ADCY4: variants seen among roughly 807,000 people sequenced by gnomAD.
The protein encoded by ADCY4 is adenylate cyclase 4.
ADCY4 carries 111 observed loss-of-function variants against 125.5 expected under a neutral mutation model. The ratio of observed to expected loss-of-function variants is 0.88; its 90% CI spans 0.76 to 1.04. ADCY4 has a LOEUF of 1.04. Among genes scored for constraint, ADCY4 ranks in the 50% least tolerant of loss-of-function variants. ADCY4 has a pLI of 0.00. For synonymous variants in ADCY4, 576 were observed against 586.9 expected (o/e 0.98, Z 0.27); for missense variants, 1,256 against 1,382.9 (o/e 0.91, Z 1.46).
At chr14:24,329,629 T>A in intron 8 of ADCY4, 96 bp from the exon 9 acceptor site, 1 of 1,466,274 alleles carries the variant, frequency 6.8e-7, no homozygotes, top group Non-Finnish European at 9.0e-7. Flanking sequence ...CTGACAAACA[T>A]CTCATGTCTT....
chr14:24,322,746 C>G lies in ADCY4; in HGVS notation c.2343-38G>C, dbSNP rs754512107. 10 of 1,603,972 alleles carry G rather than the reference C, an allele frequency of 6.2e-6. No homozygotes were observed. The African/African-American group carries it at 1.2e-4, about 19-fold the overall frequency. The stretch of plus-strand genomic sequence containing the variant: ...TGGATCAGGGTGACCCCTTGCTTTC[C>G]CCCTTCCTGGCCTTCTCCCTGCCCC... On this transcript the variant is annotated intron_variant, in intron 18 of 24. Transcript: ENST00000418030.
At position 24,325,724 on chromosome 14, in the gene ADCY4, C is replaced by T. The variant is rs192104443; in HGVS notation, c.1725+94G>A. The T allele has an allele frequency of 2.1e-5, 30 of 1,424,032 alleles. No homozygotes were observed. In the Admixed American group the frequency reaches 6.0e-4, roughly 29 times the overall value. The allele number at this position is 1,424,032 out of a possible 1,614,324, so 88.2% of individuals were successfully genotyped here. On this transcript the variant is annotated intron_variant, in intron 13 of 24. Transcript: ENST00000418030. The stretch of plus-strand genomic sequence containing the variant: ...CTCACCCCTAGGATCACAAACTGAG[C>T]AGACTTGGGGAGGAGACCCAAGGGC...
At chr14:24,325,230 C>A (rs1250294466) in intron 14 of ADCY4, 147 bp downstream of exon 14, 7 of 598,016 alleles carry the variant, frequency 1.2e-5, no homozygotes, top group Non-Finnish European at 2.0e-5. Context: ...CCGTGATTAT[C>A]ATTTTCCCCA....
chr14:24,332,412 C>A, intron 3 of ADCY4, 110 bp downstream of exon 3: 1 of 1,283,416 alleles, frequency 7.8e-7, no homozygotes, highest in Non-Finnish European at 1.1e-6. Flanking sequence ...GTATCCTGCG[C>A]CCAGCGTTGC....
rs764289231 is a variant in ADCY4, at chr14:24,334,576, T to A, written c.77A>T (p.Gln26Leu). The A allele has an allele frequency of 1.3e-6, 2 of 1,578,398 alleles. No homozygotes were observed. Among genetic ancestry groups the A allele is most frequent in the Non-Finnish European group, 1.7e-6 (2 of 1,165,008 alleles). Residue 26 changes from glutamine to leucine, a missense_variant, in exon 1 of 25, where the codon CAG becomes CTG. Physicochemically the swap from Gln to Leu is moderately radical, Grantham distance 113 (BLOSUM62 -2). Transcript: ENST00000418030. ...FYETYYSLSQ[Q>L]YPLLLLLLGI... is the part of the protein sequence containing the mutation. ...CAGCAGCAGCAGCAGCAGCGGGTAC[T>A]GCTGGCTCAGGCTGTAGTAGGTCTC...
intron 3 of ADCY4, 36 bp downstream of exon 3, chr14:24,332,486 C>A: frequency 1.9e-6 from 3 of 1,546,982 alleles, no homozygotes; most frequent in Non-Finnish European, 2.6e-6. Context: ...GTGGCAGAGC[C>A]GTCCTGAGCG....
At chr14:24,331,160 A>G in intron 5 of ADCY4, 31 bp from the exon 6 acceptor site, 1 of 1,613,098 alleles carries the variant, frequency 6.2e-7, no homozygotes, top group Non-Finnish European at 8.5e-7. Context: ...CAGCAGGGCC[A>G]GGGTCTTAGC....
intron 10 of ADCY4, chr14:24,328,773 C>T (rs1229439932): frequency 2.0e-5 from 8 of 392,404 alleles, no homozygotes; most frequent in African/African-American, 8.2e-5. Flanking sequence ...CTCTCGTCGT[C>T]GCACACAGGG....
rs2041998667 is a variant in ADCY4, at chr14:24,329,170, A to G, written c.1415T>C (p.Met472Thr). 6.2e-7 allele frequency: 1 copy of G among 1,613,848 alleles called. No individual in the cohort carries two copies. Among genetic ancestry groups the G allele is most frequent in the African/African-American group, 1.3e-5 (1 of 74,876 alleles). ...ACGGGTCATCAGCAGTGATGGACGC[A>G]TCTTGAGGCCCTCAAGCGAGGACAG... The part of the protein sequence containing the change: ...GLLSSLEGLK[M>T]RPSLLMTRYL... Residue 472 changes from methionine (M) to threonine (T), a missense_variant, in exon 10 of 25, where the codon ATG (methionine) becomes ACG (threonine). Transcript: ENST00000418030.
intron 10 of ADCY4, chr14:24,326,543 CCCCTGACTCTCTAGACT>C (rs1014131777): frequency 2.0e-5 from 12 of 611,048 alleles, no homozygotes; most frequent in Non-Finnish European, 3.2e-5. Context: ...TTAAAGTTTC[CCCCTGACTCTCTAGACT>C]CCCAGGATCT....
chr14:24,332,913 C>T lies in ADCY4; in HGVS notation c.235G>A (p.Ala79Thr). ...LGGFSLLLGL[A>T]SREQRLQRWT... ...CGCTGCAGTCGCTGCTCCCGGGAAG[C>T]GAGGCCCAGCAGCAGCGAGAAGCCG... is the stretch of plus-strand genomic sequence containing the variant. The change falls in exon 2 of 25, where the codon GCT becomes ACT. Residue 79 changes from alanine to threonine, a missense_variant. By Grantham distance (58) the Ala-to-Thr change is moderately conservative. Coordinates refer to ENST00000418030, the MANE Select transcript of ADCY4 (RefSeq NM_001198568.2). 1 of 1,603,734 alleles carries T rather than the reference C, an allele frequency of 6.2e-7. No individual in the cohort carries two copies. Among genetic ancestry groups the T allele is most frequent in the Non-Finnish European group, 8.5e-7 (1 of 1,174,342 alleles).
At chr14:24,333,644 A>T (rs1015345578) in intron 1 of ADCY4, among the ~76,000 whole-genome samples, 5 of 152,240 alleles carry the variant, frequency 3.3e-5, no homozygotes, top group African/African-American at 1.2e-4. Flanking sequence ...CCAAAGCGTC[A>T]TGAAGCAAGT....
Position 24,331,055 on chromosome 14 carries a change from A to C in ADCY4, c.893T>G (p.Leu298Arg). The C allele has an allele frequency of 6.2e-7, 1 of 1,612,866 alleles. No homozygotes were observed. The highest frequency in any genetic ancestry group is 8.5e-7 in the Non-Finnish European group (1 of 1,179,096). Residue 298 changes from leucine to arginine, a missense_variant, in exon 6 of 25, where the codon CTC becomes CGC. Transcript: ENST00000418030. ...GTCGAACTTGCCAAAGAGCTCATTGAGCATGAGCACCAGCTCCTTAGGGGA... is the reference window on the plus strand; with the variant it reads ...GTCGAACTTGCCAAAGAGCTCATTGCGCATGAGCACCAGCTCCTTAGGGGA... ...ECSPKELVLM[L>R]NELFGKFDQI...
Position 24,321,768 on chromosome 14 carries a change from G to C in ADCY4, c.2586+298C>G, listed in dbSNP as rs1176925459. ...AGGTCATGGACTAGTATCAGTCTGCGGCCTGGGGGCTGGGGACCCCTGCTC... is the reference window on the plus strand; with the variant it reads ...AGGTCATGGACTAGTATCAGTCTGCCGCCTGGGGGCTGGGGACCCCTGCTC... On this transcript the variant is annotated intron_variant, in intron 20 of 24. Transcript: ENST00000418030. The C allele has an allele frequency of 2.7e-6, 3 of 1,096,508 alleles. No homozygotes were observed. In the African/African-American group the frequency reaches 4.9e-5, roughly 18 times the overall value. The allele number at this position is 1,096,508 out of a possible 1,614,324, so 67.9% of individuals were successfully genotyped here.
chr14:24,328,696 G>A (rs1239045608), intron 10 of ADCY4: 3 of 234,370 alleles, frequency 1.3e-5, no homozygotes, highest in Admixed American at 1.1e-4. Context: ...CGCATTGGTG[G>A]TAGTGGTCCC....
In ADCY4 at chr14:24,330,311, T is replaced by C; in HGVS notation, c.931-16A>G. The C allele has an allele frequency of 6.2e-7, 1 of 1,613,792 alleles. No homozygotes were observed. Among genetic ancestry groups the C allele is most frequent in the Non-Finnish European group, 8.5e-7 (1 of 1,179,820 alleles). On this transcript the variant is annotated splice_polypyrimidine_tract_variant and intron_variant, in intron 6 of 24. Coordinates refer to ENST00000418030, the MANE Select transcript of ADCY4 (RefSeq NM_001198568.2). ...ATTCATGCTCCTGGGAGTGTGTATG[T>C]GGGTGTGCAGAGGAACCTGGTTAGA...
Position 24,330,004 on chromosome 14 carries a change from G to T in ADCY4, c.1073C>A (p.Ala358Asp). The T allele has an allele frequency of 6.2e-7, 1 of 1,613,728 alleles. No homozygotes were observed. Among genetic ancestry groups the T allele is most frequent in the Non-Finnish European group, 8.5e-7 (1 of 1,179,738 alleles). ...MCRAIRKLRAATGVDINMRVG... is the reference protein window; with the variant it reads ...MCRAIRKLRADTGVDINMRVG... Reference sequence around the variant, plus strand: ...ACGCATGTTGATGTCCACGCCAGTGGCTGCCCGCAGTTTCCTGAGCAGTGT... The same window carrying T: ...ACGCATGTTGATGTCCACGCCAGTGTCTGCCCGCAGTTTCCTGAGCAGTGT... The change falls in exon 8 of 25, where the codon GCC becomes GAC. Residue 358 changes from alanine to aspartate, a missense_variant. Transcript: ENST00000418030.
chr14:24,333,888 TC>T (rs1407500654), intron 1 of ADCY4, among the ~76,000 whole-genome samples: 4 of 152,106 alleles, frequency 2.6e-5, no homozygotes, highest in African/African-American at 9.7e-5. Context: ...TGCACAGCCG[TC>T]CCAGCATTTT....
In ADCY4 at chr14:24,334,897, G is replaced by A. The variant is rs937992303; in HGVS notation, c.-245C>T. ...TCCTCCCTCAAACCCGGATTGTAGA[G>A]GTGCCCTAGAAAAGCCTCATCGCCA... On this transcript the variant is annotated 5_prime_UTR_variant, in exon 1 of 25. Transcript: ENST00000418030. The A allele has an allele frequency of 2.0e-5, 10 of 488,932 alleles. No individual in the cohort carries two copies. Among genetic ancestry groups the A allele is most frequent in the Non-Finnish European group, 2.9e-5 (8 of 279,020 alleles). 30.3% of individuals were successfully genotyped at this position (488,932 alleles called of 1,614,324 possible).
Sources: gnomAD v4.1 joint callset for allele counts (sites outside exome capture counted in the v4.1 genomes callset) on GRCh38, gnomAD v4.1.1 for gene constraint, MANE v1.5 for transcripts, NCBI Gene and HGNC (gene_info 2026-07-23, HGNC 2026-07-21) for gene names.